ROBO2: variants seen among roughly 807,000 people sequenced by gnomAD.
ROBO2 encodes the protein roundabout homolog 2.
Under a neutral mutation model 160.8 loss-of-function variants are expected in ROBO2, and 53 were observed. The observed-to-expected ratio is 0.33, with a 90% CI of 0.26 to 0.41. ROBO2 has a LOEUF of 0.41. ROBO2 is among the 10% of genes least tolerant of loss of function. The pLI, the probability that ROBO2 is intolerant of heterozygous loss-of-function variation, is 1.00. For missense variants in ROBO2, 1,577 were observed against 1,722.4 expected (o/e 0.92, Z 1.49); for synonymous variants, 664 against 611.7 (o/e 1.09, Z -1.26).
At chr3:76,232,495 T>C (rs374670152) in intron 2 of ROBO2, among the ~76,000 whole-genome samples, 41 of 152,212 alleles carry the variant, frequency 2.7e-4, no homozygotes, top group African/African-American at 9.6e-4. Flanking sequence ...GAAAGGAGAA[T>C]ATATTTAAAT....
chr3:76,383,537 A>G (rs2076735396), intron 2 of ROBO2, among the ~76,000 whole-genome samples: 1 of 152,226 alleles, frequency 6.6e-6, no homozygotes, highest in Non-Finnish European at 1.5e-5. Flanking sequence ...TTCCTGATAA[A>G]TAGTGCTTAA....
intron 2 of ROBO2, among the ~76,000 whole-genome samples, chr3:76,622,218 G>GAAA (rs1326164684): frequency 2.8e-4 from 13 of 46,280 alleles, no homozygotes; most frequent in African/African-American, 1.1e-3. Context: ...AAGGAAGGAA[G>GAAA]GAAGGAAGGA....
At chr3:76,020,409 T>C (rs1034686738) in intron 2 of ROBO2, among the ~76,000 whole-genome samples, 3 of 151,870 alleles carry the variant, frequency 2.0e-5, no homozygotes, top group Non-Finnish European at 2.9e-5. Context: ...TCTTGCTTCG[T>C]ATGTTCCTCT....
intron 2 of ROBO2, among the ~76,000 whole-genome samples, chr3:76,444,934 A>C (rs2077097379): frequency 6.6e-6 from 1 of 152,192 alleles, no homozygotes; most frequent in Non-Finnish European, 1.5e-5. Context: ...ATATGCAGGC[A>C]TTCAATAAAC....
intron 1 of ROBO2, among the ~76,000 whole-genome samples, chr3:77,063,070 C>G (rs1350663902): frequency 1.3e-5 from 2 of 152,108 alleles, no homozygotes; most frequent in Non-Finnish European, 2.9e-5. Context: ...TCTCTGAATA[C>G]TGTAGAGCAT....
In ROBO2 at chr3:77,644,918, T is replaced by G. The variant is rs746507192; in HGVS notation, c.4135+14T>G. ...CAGGTGAATTATGTAAGTGCTTAGG[T>G]CATTTAAAAGGCTATCGTGATTCAG... On this transcript the variant is annotated intron_variant, in intron 25 of 25. Coordinates refer to ENST00000461745, the Ensembl canonical transcript of ROBO2. The G allele has an allele frequency of 6.2e-7, 1 of 1,611,696 alleles. No homozygotes were observed. The highest frequency in any genetic ancestry group is 1.1e-5 in the South Asian group (1 of 91,034).
intron 5 of ROBO2, among the ~76,000 whole-genome samples, chr3:77,515,525 C>T (rs1158602236): frequency 6.6e-6 from 1 of 151,652 alleles, no homozygotes; most frequent in African/African-American, 2.4e-5. Flanking sequence ...ACTTCAGTAC[C>T]CAGACCATGA....
intron 2 of ROBO2, among the ~76,000 whole-genome samples, chr3:76,658,453 A>G (rs1289996962): frequency 6.6e-6 from 1 of 152,062 alleles, no homozygotes; most frequent in Non-Finnish European, 1.5e-5. Flanking sequence ...CGTCATCTAC[A>G]TTAGGTGTTT....
chr3:76,960,209 T>C (rs1479188170), intron 2 of ROBO2, among the ~76,000 whole-genome samples: 1 of 152,064 alleles, frequency 6.6e-6, no homozygotes, highest in East Asian at 1.9e-4. Context: ...ATAAGATTTG[T>C]GTAGATTTAG....
chr3:76,928,146 A>G lies in ROBO2; in HGVS notation c.110-169868A>G, dbSNP rs1330873228. Among the ~76,000 whole-genome samples, 4 of 152,164 alleles carry G rather than the reference A, an allele frequency of 2.6e-5. No individual in the cohort carries two copies. The South Asian group carries it at 6.2e-4, about 24-fold the overall frequency. On this transcript the variant is annotated intron_variant, in intron 2 of 26. Coordinates refer to the ROBO2 transcript ENST00000487694. ...TAGGAGAGGGAGATAGAATACAGAA[A>G]GGGAGATGACAATGGAAAAAGACTG...
rs139019750 is a variant in ROBO2, at chr3:76,939,895, C to A, written c.110-158119C>A. ...ATCTGTTACTAGAACTATCTTTTAA[C>A]CTTGTGTAAATTTCTGGATTGCTTT... On this transcript the variant is annotated intron_variant, in intron 2 of 26. Transcript: ENST00000487694. Among the ~76,000 whole-genome samples, 802 of 152,006 alleles carry A rather than the reference C, an allele frequency of 5.3e-3. 7 individuals are homozygous for A. The highest frequency in any genetic ancestry group is 0.018 in the African/African-American group (737 of 41,424).
At chr3:76,362,257 G>A (rs879659430) in intron 2 of ROBO2, among the ~76,000 whole-genome samples, 3 of 152,016 alleles carry the variant, frequency 2.0e-5, no homozygotes, top group East Asian at 2.0e-4. Flanking sequence ...CCAGCTCCTC[G>A]GGAAGCTGAG....
intron 2 of ROBO2, among the ~76,000 whole-genome samples, chr3:76,141,616 A>C (rs181857892): frequency 6.6e-6 from 1 of 152,032 alleles, no homozygotes; most frequent in Non-Finnish European, 1.5e-5. Context: ...TAAGATAATT[A>C]TTTAGGCTTC....
chr3:77,510,841 A>T (rs1010895864), intron 5 of ROBO2, among the ~76,000 whole-genome samples: 2 of 152,028 alleles, frequency 1.3e-5, no homozygotes, highest in Non-Finnish European at 2.9e-5. Flanking sequence ...TCAGACACGG[A>T]GTAATTGCTT....
chr3:76,335,808 C>A (rs888132333), intron 2 of ROBO2, among the ~76,000 whole-genome samples: 3 of 152,036 alleles, frequency 2.0e-5, no homozygotes, highest in Non-Finnish European at 4.4e-5. Flanking sequence ...GATCTCCTGA[C>A]CTTGTGATCC....
At chr3:77,115,492 G>GT (rs1560042085) in intron 2 of ROBO2, among the ~76,000 whole-genome samples, 6 of 152,128 alleles carry the variant, frequency 3.9e-5, no homozygotes, top group South Asian at 2.1e-4. Context: ...ACAAAACATT[G>GT]TTTTTTTAGC....
chr3:76,014,525 G>GCAGC (rs1421387583), intron 2 of ROBO2, among the ~76,000 whole-genome samples: 44 of 72,646 alleles, frequency 6.1e-4, no homozygotes, highest in African/African-American at 2.3e-3. Context: ...AAAGCAATTG[G>GCAGC]TGACTGGGCA....
At chr3:76,775,455 G>A (rs1204489928) in intron 2 of ROBO2, among the ~76,000 whole-genome samples, 1 of 150,810 alleles carries the variant, frequency 6.6e-6, no homozygotes, top group Non-Finnish European at 1.5e-5. Context: ...TTGACAACAA[G>A]TTACTGGACG....
chr3:76,758,665 T>C (rs567175225), intron 2 of ROBO2, among the ~76,000 whole-genome samples: 5 of 151,910 alleles, frequency 3.3e-5, no homozygotes, highest in African/African-American at 1.2e-4. Context: ...GTTGGGAAAA[T>C]GAAACTTCTA....
Sources: allele counts gnomAD v4.1 joint callset (sites outside exome capture counted in the v4.1 genomes callset), GRCh38; gene constraint gnomAD v4.1.1; transcripts MANE v1.5; gene names NCBI Gene and HGNC (gene_info 2026-07-23, HGNC 2026-07-21).